NTRK3: variants seen among roughly 807,000 people sequenced by gnomAD.
NTRK3 encodes the protein NT-3 growth factor receptor.
NTRK3 carries 24 observed loss-of-function variants against 91.7 expected under a neutral mutation model. That is an observed-to-expected ratio of 0.26 (90% CI 0.19 to 0.37). The LOEUF is 0.37. Ranked by LOEUF, NTRK3 falls within the 10% of genes least tolerant of loss-of-function variation. The probability of loss-of-function intolerance (pLI) is 1.00; values close to 1 mark genes in which losing one functional copy is unlikely to be tolerated. For synonymous variants in NTRK3, 483 were observed against 404.0 expected (o/e 1.20, Z -2.34); for missense variants, 880 against 1,068.9 (o/e 0.82, Z 2.46).
chr15:88,121,514 A>G (rs564391488), intron 13 of NTRK3, among the ~76,000 whole-genome samples: 1 of 152,320 alleles, frequency 6.6e-6, no homozygotes, highest in East Asian at 1.9e-4. Flanking sequence ...ATGAGAATGA[A>G]TTTGTCCTAA....
At chr15:88,110,278 T>C (rs780429124) in intron 13 of NTRK3, among the ~76,000 whole-genome samples, 2 of 152,122 alleles carry the variant, frequency 1.3e-5, no homozygotes, top group Non-Finnish European at 2.9e-5. Flanking sequence ...AGGTGGGATC[T>C]TAGGAAAAGG....
In NTRK3 at chr15:87,879,163, TAATC is replaced by T. The variant is rs201591130; in HGVS notation, c.2292+1103_2292+1106del. On this transcript the variant is annotated intron_variant, in intron 18 of 18. Transcript: ENST00000394480. ...TTCTTTTCAGTCTTTGTAATTCACT[TAATC>T]AAGTGGTCAAGACATAGGAGAGCAG... 1.6e-3 allele frequency among the ~76,000 whole-genome samples: 248 copies of T among 152,286 alleles called. 1 individual carries two copies. Among genetic ancestry groups the T allele is most frequent in the African/African-American group, 5.5e-3 (230 of 41,564 alleles).
chr15:87,863,667 A>C (rs2064584576), exon 19 of NTRK3: 1 of 224,778 alleles, frequency 4.4e-6, no homozygotes, highest in Admixed American at 5.7e-5. Context: ...TGAACCTTAA[A>C]ACCTTGGAAA....
At chr15:87,988,850 T>A (rs1394641146) in intron 14 of NTRK3, among the ~76,000 whole-genome samples, 2 of 152,248 alleles carry the variant, frequency 1.3e-5, no homozygotes, top group Non-Finnish European at 1.5e-5. Context: ...AGAATATTAC[T>A]GAATAAAAGT....
intron 3 of NTRK3, among the ~76,000 whole-genome samples, chr15:88,229,816 A>C (rs1195195395): frequency 6.6e-6 from 1 of 152,266 alleles, no homozygotes; most frequent in Non-Finnish European, 1.5e-5. Flanking sequence ...TGTCTTATAC[A>C]AGATGAATGG....
At chr15:88,244,094 GC>G (rs369371384) in intron 3 of NTRK3, among the ~76,000 whole-genome samples, 32 of 152,166 alleles carry the variant, frequency 2.1e-4, no homozygotes, top group Middle Eastern at 6.8e-3. Flanking sequence ...TGTCACTGCT[GC>G]CCCCCCATGA....
intron 14 of NTRK3, among the ~76,000 whole-genome samples, chr15:88,019,775 C>T (rs1346795293): frequency 6.6e-6 from 1 of 152,160 alleles, no homozygotes; most frequent in Non-Finnish European, 1.5e-5. Flanking sequence ...AAAAGTAGAG[C>T]TAGAGTCCTA....
chr15:88,192,117 G>A (rs2047453733), intron 3 of NTRK3, among the ~76,000 whole-genome samples: 1 of 152,220 alleles, frequency 6.6e-6, no homozygotes, highest in South Asian at 2.1e-4. Flanking sequence ...ATCTGTGCTG[G>A]CTTCCTGATC....
chr15:88,005,485 G>A (rs1330342272), intron 14 of NTRK3, among the ~76,000 whole-genome samples: 1 of 152,140 alleles, frequency 6.6e-6, no homozygotes, highest in South Asian at 2.1e-4. Flanking sequence ...ACACTGTTCT[G>A]CATGGATTCC....
intron 5 of NTRK3, among the ~76,000 whole-genome samples, chr15:88,179,197 C>T (rs1030433033): frequency 8.5e-5 from 13 of 152,206 alleles, no homozygotes; most frequent in Non-Finnish European, 1.6e-4. Context: ...TAGCCTTTCC[C>T]TCTTCTTTTC....
intron 17 of NTRK3, among the ~76,000 whole-genome samples, chr15:87,897,466 C>T (rs1374547838): frequency 6.6e-6 from 1 of 152,088 alleles, no homozygotes; most frequent in African/African-American, 2.4e-5. Context: ...CTCCTGGCTG[C>T]ACTAATATCT....
chr15:87,990,148 G>A (rs1219533165), intron 14 of NTRK3, among the ~76,000 whole-genome samples: 2 of 152,076 alleles, frequency 1.3e-5, no homozygotes, highest in Non-Finnish European at 2.9e-5. Context: ...CTAGTTGAGC[G>A]GCTTAAGTCA....
intron 13 of NTRK3, among the ~76,000 whole-genome samples, chr15:88,099,469 T>C (rs745358150): frequency 2.0e-5 from 3 of 152,156 alleles, no homozygotes; most frequent in Non-Finnish European, 4.4e-5. Flanking sequence ...GGATTCAAAA[T>C]TTAGATCCTT....
chr15:88,181,103 A>G (rs1319918244), intron 5 of NTRK3, among the ~76,000 whole-genome samples: 1 of 151,942 alleles, frequency 6.6e-6, no homozygotes, highest in Non-Finnish European at 1.5e-5. Context: ...GACAGACTCA[A>G]ATTGGGGGTA....
At chr15:87,972,626 C>T (rs2073353741) in intron 14 of NTRK3, among the ~76,000 whole-genome samples, 1 of 152,144 alleles carries the variant, frequency 6.6e-6, no homozygotes, top group Non-Finnish European at 1.5e-5. Flanking sequence ...AGCCTTAAAT[C>T]ATCTATTTAA....
intron 13 of NTRK3, among the ~76,000 whole-genome samples, chr15:88,054,354 T>G (rs188644858): frequency 6.6e-6 from 1 of 152,304 alleles, no homozygotes; most frequent in East Asian, 1.9e-4. Flanking sequence ...GTCCTCTGCT[T>G]CTGCCCACCC....
intron 17 of NTRK3, among the ~76,000 whole-genome samples, chr15:87,909,959 C>T (rs552215634): frequency 6.6e-6 from 1 of 152,164 alleles, no homozygotes; most frequent in African/African-American, 2.4e-5. Flanking sequence ...TTGAAGCCCC[C>T]AGTCTGTGGA....
intron 13 of NTRK3, among the ~76,000 whole-genome samples, chr15:88,036,609 G>GGCTGC (rs1214824995): frequency 6.6e-6 from 1 of 152,202 alleles, no homozygotes; most frequent in Non-Finnish European, 1.5e-5. Flanking sequence ...CAAGCCGCAG[G>GGCTGC]GCTGCGGGAA....
At chr15:88,175,913 A>T (rs976542850) in intron 5 of NTRK3, among the ~76,000 whole-genome samples, 1 of 152,154 alleles carries the variant, frequency 6.6e-6, no homozygotes, top group African/African-American at 2.4e-5. Flanking sequence ...CAAATTAGTG[A>T]TGAGGGTGGG....
Sources: allele counts gnomAD v4.1 joint callset (sites outside exome capture counted in the v4.1 genomes callset), GRCh38; gene constraint gnomAD v4.1.1; transcripts MANE v1.5; gene names NCBI Gene and HGNC (gene_info 2026-07-23, HGNC 2026-07-21).